UBXN2B: variants seen among roughly 807,000 people sequenced by gnomAD.
The protein encoded by UBXN2B is UBX domain-containing protein 2B.
UBXN2B carries 19 observed loss-of-function variants against 37.5 expected under a neutral mutation model. The ratio of observed to expected loss-of-function variants is 0.51; its 90% CI spans 0.35 to 0.74. The LOEUF is 0.74. Among genes scored for constraint, UBXN2B ranks in the 30% least tolerant of loss-of-function variants. UBXN2B has a pLI of 0.01. For synonymous variants in UBXN2B, 145 were observed against 143.8 expected (o/e 1.01, Z -0.06); for missense variants, 370 against 393.2 (o/e 0.94, Z 0.50).
chr8:58,424,439 A>G, intron 2 of UBXN2B: 1 of 536,442 alleles, frequency 1.9e-6, no homozygotes, highest in African/African-American at 1.9e-5. Flanking sequence ...ATGGTTTCAA[A>G]TTTTGCTTAT....
chr8:58,424,805 C>T, intron 2 of UBXN2B: 1 of 1,447,776 alleles, frequency 6.9e-7, no homozygotes, highest in Non-Finnish European at 9.7e-7. Flanking sequence ...TGTAGTGTTT[C>T]AGTATAATGC....
At chr8:58,423,177 G>T (rs1392486076) in intron 2 of UBXN2B, among the ~76,000 whole-genome samples, 1 of 152,048 alleles carries the variant, frequency 6.6e-6, no homozygotes, top group African/African-American at 2.4e-5. Context: ...TCTTCAGAAG[G>T]CCTGGCCACT....
intron 2 of UBXN2B, among the ~76,000 whole-genome samples, chr8:58,418,387 T>C (rs1476309400): frequency 3.9e-5 from 6 of 152,194 alleles, no homozygotes; most frequent in Non-Finnish European, 1.5e-5. Context: ...ATTCCTGTTT[T>C]GAATTTCTGA....
intron 7 of UBXN2B, among the ~76,000 whole-genome samples, chr8:58,446,458 G>A (rs1808671038): frequency 6.6e-6 from 1 of 152,028 alleles, no homozygotes; most frequent in Non-Finnish European, 1.5e-5. Flanking sequence ...TTTCTGTATA[G>A]CAAATACTTC....
At chr8:58,419,873 A>G (rs1191787287) in intron 2 of UBXN2B, among the ~76,000 whole-genome samples, 1 of 152,224 alleles carries the variant, frequency 6.6e-6, no homozygotes. Flanking sequence ...CTATTGCACA[A>G]GGCCCCATGC....
chr8:58,422,766 A>C (rs979525943), intron 2 of UBXN2B, among the ~76,000 whole-genome samples: 1 of 152,202 alleles, frequency 6.6e-6, no homozygotes, highest in African/African-American at 2.4e-5. Flanking sequence ...AGTTTCCCCA[A>C]GTGCTGGTTC....
At chr8:58,439,506 T>C in intron 5 of UBXN2B, 127 bp from the exon 6 acceptor site, 1 of 1,174,508 alleles carries the variant, frequency 8.5e-7, no homozygotes, top group Non-Finnish European at 1.2e-6. Flanking sequence ...ATGGAAATTT[T>C]TGTGTTATAA....
rs571201270 is a variant in UBXN2B, at chr8:58,448,861, A to G, written c.*1310A>G. 1.3e-5 allele frequency: 2 copies of G among 152,440 alleles called. No homozygotes were observed. The highest frequency in any genetic ancestry group is 3.9e-4 in the East Asian group (2 of 5,176). The allele number at this position is 152,440 out of a possible 1,614,324, so 9.4% of individuals were successfully genotyped here. On this transcript the variant is annotated 3_prime_UTR_variant, in exon 8 of 8. Coordinates refer to ENST00000399598, the MANE Select transcript of UBXN2B (RefSeq NM_001077619.2). ...ACAAAATGTGGCTTAAAATAGCACA[A>G]ATTTATTATCTTCACAATTCTGTAG...
chr8:58,424,539 G>A lies in UBXN2B; in HGVS notation c.189-5980G>A, dbSNP rs887399847. ...TGCGAAAGTTTGATCTTTTTAGGGA[G>A]AGAGTGAAGTCCACATCTATTTTTG... On this transcript the variant is annotated intron_variant, in intron 2 of 7. Transcript: ENST00000399598. The A allele has an allele frequency of 7.1e-6, 6 of 847,466 alleles. No individual in the cohort carries two copies. In the South Asian group the frequency reaches 8.6e-5, roughly 12 times the overall value. 52.5% of individuals were successfully genotyped at this position (847,466 alleles called of 1,614,324 possible).
rs1752554584 is a variant in UBXN2B at position 58,448,930 on chromosome 8, T to G, written c.*1379T>G. On this transcript the variant is annotated 3_prime_UTR_variant, in exon 8 of 8. Transcript: ENST00000399598. ...GAGTTTCGCGGTGCCAAGATCAATT[T>G]GTTGGCAGGGTTGCATTCTGTTAGG... The G allele has an allele frequency of 6.6e-6, 1 of 152,218 alleles. No individual in the cohort carries two copies. Among genetic ancestry groups the G allele is most frequent in the South Asian group, 2.1e-4 (1 of 4,828 alleles). 9.4% of individuals were successfully genotyped at this position (152,218 alleles called of 1,614,324 possible). A position where few individuals can be genotyped will look rare whatever the true frequency, so the allele number is the denominator to read the frequency against.
chr8:58,425,909 G>C, intron 2 of UBXN2B: 1 of 1,212,506 alleles, frequency 8.2e-7, no homozygotes, highest in Admixed American at 1.7e-5. Context: ...GTCATCACTG[G>C]TGCGCACAGA....
chr8:58,428,787 T>G (rs189280674), intron 2 of UBXN2B, among the ~76,000 whole-genome samples: 153 of 152,346 alleles, frequency 1.0e-3, no homozygotes, highest in African/African-American at 3.5e-3. Flanking sequence ...GAGTAAGAAC[T>G]GACAGTAGAC....
chr8:58,426,030 A>G (rs1430358488), intron 2 of UBXN2B: 6 of 1,408,524 alleles, frequency 4.3e-6, no homozygotes, highest in Non-Finnish European at 6.0e-6. Context: ...TGTCCCTGAA[A>G]CCACCTTTCA....
rs1808726032 is a variant in UBXN2B at position 58,448,380 on chromosome 8, A to C, written c.*829A>C. 1.3e-5 allele frequency: 2 copies of C among 151,968 alleles called. No homozygotes were observed. Among genetic ancestry groups the C allele is most frequent in the Admixed American group, 1.3e-4 (2 of 15,238 alleles). The allele number at this position is 151,968 out of a possible 1,614,324, so 9.4% of individuals were successfully genotyped here. On this transcript the variant is annotated 3_prime_UTR_variant, in exon 8 of 8. Transcript: ENST00000399598. ...CTAGAGACAGCGTTTCTCTGTGTTG[A>C]TCAGGCTGGTCTCGAACTCCGAACC...
chr8:58,443,788 A>G (rs1389601761), intron 6 of UBXN2B, among the ~76,000 whole-genome samples: 1 of 152,198 alleles, frequency 6.6e-6, no homozygotes, highest in Non-Finnish European at 1.5e-5. Context: ...AGCCTGGGCA[A>G]CAGAGCAACA....
intron 5 of UBXN2B, among the ~76,000 whole-genome samples, chr8:58,437,388 C>T (rs960773747): frequency 4.0e-5 from 5 of 125,084 alleles, no homozygotes; most frequent in Non-Finnish European, 6.3e-5. Context: ...AGTGCAGTGG[C>T]GCGATCTAGG....
chr8:58,427,874 A>G (rs1194634283), intron 2 of UBXN2B, among the ~76,000 whole-genome samples: 3 of 152,240 alleles, frequency 2.0e-5, no homozygotes, highest in Non-Finnish European at 4.4e-5. Flanking sequence ...GAAGTCAAGG[A>G]TATGGGCATA....
chr8:58,416,889 A>G lies in UBXN2B; in HGVS notation c.124A>G (p.Lys42Glu), dbSNP rs1342777835. The G allele has an allele frequency of 1.2e-6, 2 of 1,612,918 alleles. No individual in the cohort carries two copies. Among genetic ancestry groups the G allele is most frequent in the East Asian group, 2.2e-5 (1 of 44,804 alleles). The change falls in exon 2 of 8, where the codon AAA becomes GAA. Residue 42 changes from lysine (K) to glutamate (E), a missense_variant. Transcript: ENST00000399598. ...ATTGTATGAAGATGAAGTGAAGTGC[A>G]AATCTTCCAAGTCTAATAGACCTAA... is the stretch of plus-strand genomic sequence containing the variant. ...AELYEDEVKCKSSKSNRPKAT... is the reference protein window; with the variant it reads ...AELYEDEVKCESSKSNRPKAT...
intron 2 of UBXN2B, among the ~76,000 whole-genome samples, chr8:58,417,156 G>A (rs1186747210): frequency 6.6e-6 from 1 of 152,020 alleles, no homozygotes. Flanking sequence ...CAATCAGAAA[G>A]CCAAAAGAAA....
Sources: allele counts gnomAD v4.1 joint callset (sites outside exome capture counted in the v4.1 genomes callset), GRCh38; gene constraint gnomAD v4.1.1; transcripts MANE v1.5; gene names NCBI Gene and HGNC (gene_info 2026-07-23, HGNC 2026-07-21).